The following DLGAP2 variants were observed in gnomAD, a reference collection of about 807,000 sequenced individuals.
The protein encoded by DLGAP2 is disks large-associated protein 2.
In DLGAP2, 26 loss-of-function variants were observed where a neutral mutation model predicts 100.3. The ratio of observed to expected loss-of-function variants is 0.26; its 90% CI spans 0.19 to 0.36. The LOEUF is 0.36. Among genes scored for constraint, DLGAP2 ranks in the 10% least tolerant of loss-of-function variants. DLGAP2 has a pLI of 1.00. For synonymous variants in DLGAP2, 886 were observed against 630.1 expected (o/e 1.41, Z -6.08); for missense variants, 1,858 against 1,453.2 (o/e 1.28, Z -4.53).
intron 4 of DLGAP2, among the ~76,000 whole-genome samples, chr8:1,531,033 C>T (rs1216354941): frequency 1.3e-5 from 2 of 152,172 alleles, no homozygotes; most frequent in East Asian, 3.8e-4. Flanking sequence ...TTTGAAAGTT[C>T]ATTCCAATGT....
At chr8:853,648 C>T (rs925430176) in intron 1 of DLGAP2, among the ~76,000 whole-genome samples, 6 of 152,230 alleles carry the variant, frequency 3.9e-5, no homozygotes, top group African/African-American at 1.4e-4. Context: ...AGCAGCCGTT[C>T]TAGGGAGCAG....
intron 3 of DLGAP2, among the ~76,000 whole-genome samples, chr8:1,288,817 C>T (rs1458576922): frequency 6.6e-6 from 1 of 151,042 alleles, no homozygotes; most frequent in Non-Finnish European, 1.5e-5. Context: ...AGTTTCGGTT[C>T]AGTGTGTGTG....
At chr8:855,549 G>T (rs964236752) in intron 1 of DLGAP2, among the ~76,000 whole-genome samples, 1 of 152,160 alleles carries the variant, frequency 6.6e-6, no homozygotes, top group Non-Finnish European at 1.5e-5. Flanking sequence ...AGACACATCA[G>T]GAGGAGTGAG....
intron 4 of DLGAP2, among the ~76,000 whole-genome samples, chr8:1,510,873 C>G (rs1300908095): frequency 6.6e-6 from 1 of 152,200 alleles, no homozygotes; most frequent in African/African-American, 2.4e-5. Context: ...GTCGGTGTTA[C>G]ATAATTAATA....
At chr8:1,306,338 A>C (rs967542684) in intron 3 of DLGAP2, among the ~76,000 whole-genome samples, 1 of 152,124 alleles carries the variant, frequency 6.6e-6, no homozygotes, top group Non-Finnish European at 1.5e-5. Context: ...TGCATTTATA[A>C]TCGTGTCAAA....
chr8:1,702,785 G>C lies in DLGAP2; in HGVS notation c.*1379G>C, dbSNP rs537326912. 1 of 152,388 alleles carries C rather than the reference G, an allele frequency of 6.6e-6. No homozygotes were observed. The allele number at this position is 152,388 out of a possible 1,614,324, so 9.4% of individuals were successfully genotyped here. On this transcript the variant is annotated 3_prime_UTR_variant, in exon 15 of 15. Transcript: ENST00000637795. ...AGACCGGTCTTCAAAGGAAAAGCCTGTCCGATTTTTCCATGGGTTCCAGTT... is the reference window on the plus strand; with the variant it reads ...AGACCGGTCTTCAAAGGAAAAGCCTCTCCGATTTTTCCATGGGTTCCAGTT...
At chr8:1,223,991 C>T (rs916547700) in intron 2 of DLGAP2, among the ~76,000 whole-genome samples, 6 of 152,172 alleles carry the variant, frequency 3.9e-5, no homozygotes, top group South Asian at 2.1e-4. Context: ...TTTGACTTCT[C>T]ATTGTTTCCC....
At chr8:998,145 A>T (rs1378211626) in intron 2 of DLGAP2, among the ~76,000 whole-genome samples, 1 of 152,190 alleles carries the variant, frequency 6.6e-6, no homozygotes. Context: ...ACATGTGCAT[A>T]CACAACACAC....
intron 3 of DLGAP2, among the ~76,000 whole-genome samples, chr8:1,347,522 T>G (rs1801593450): frequency 6.6e-6 from 1 of 152,130 alleles, no homozygotes; most frequent in Non-Finnish European, 1.5e-5. Flanking sequence ...AGAGCTACAT[T>G]GCACTCATGG....
chr8:1,358,289 T>C (rs185147157), intron 3 of DLGAP2, among the ~76,000 whole-genome samples: 3 of 152,274 alleles, frequency 2.0e-5, no homozygotes, highest in Admixed American at 6.5e-5. Flanking sequence ...TCTTAACGTC[T>C]TCATTTCCGA....
chr8:1,560,404 G>C (rs140927695), intron 5 of DLGAP2, among the ~76,000 whole-genome samples: 2 of 152,266 alleles, frequency 1.3e-5, no homozygotes, highest in East Asian at 1.9e-4. Flanking sequence ...TTCTGGAATA[G>C]TATTTTTGGT....
At chr8:1,060,023 C>T (rs1390264792) in intron 2 of DLGAP2, among the ~76,000 whole-genome samples, 1 of 152,118 alleles carries the variant, frequency 6.6e-6, no homozygotes, top group Non-Finnish European at 1.5e-5. Context: ...GCTGGGATGG[C>T]TGGGTGAACT....
chr8:858,915 A>G (rs1377977319), intron 1 of DLGAP2, among the ~76,000 whole-genome samples: 1 of 152,198 alleles, frequency 6.6e-6, no homozygotes, highest in African/African-American at 2.4e-5. Context: ...TCCTTACAGC[A>G]AATGTTTCAC....
chr8:772,839 C>T lies in DLGAP2; in HGVS notation c.18+35014C>T, dbSNP rs552837106. On this transcript the variant is annotated intron_variant, in intron 1 of 14. Coordinates refer to ENST00000637795, the MANE Select transcript of DLGAP2 (RefSeq NM_001346810.2). Reference sequence around the variant, plus strand: ...TCTGCAAATCACTTCTTCCGCTGAACGGTGTACATCAGAGGGTTTTGTGTG... The same window carrying T: ...TCTGCAAATCACTTCTTCCGCTGAATGGTGTACATCAGAGGGTTTTGTGTG... Among the ~76,000 whole-genome samples the T allele has an allele frequency of 7.9e-5, 12 of 152,260 alleles. 1 individual carries two copies. The South Asian group carries it at 1.5e-3, about 18-fold the overall frequency.
intron 1 of DLGAP2, among the ~76,000 whole-genome samples, chr8:844,954 T>G (rs1031971228): frequency 6.6e-6 from 1 of 152,246 alleles, no homozygotes; most frequent in Non-Finnish European, 1.5e-5. Context: ...GTGACTGACT[T>G]CTTTCACTTA....
chr8:1,051,863 T>C (rs1243379573), intron 2 of DLGAP2, among the ~76,000 whole-genome samples: 1 of 151,840 alleles, frequency 6.6e-6, no homozygotes, highest in Non-Finnish European at 1.5e-5. Context: ...CGACTGGGAG[T>C]CTGCTACGGG....
At chr8:1,261,925 G>A (rs958992492) in intron 3 of DLGAP2, among the ~76,000 whole-genome samples, 1 of 152,218 alleles carries the variant, frequency 6.6e-6, no homozygotes, top group Non-Finnish European at 1.5e-5. Context: ...GTGGCAGCGT[G>A]TGCGGCTCGG....
At chr8:968,498 G>T (rs992167334) in intron 2 of DLGAP2, among the ~76,000 whole-genome samples, 1 of 152,116 alleles carries the variant, frequency 6.6e-6, no homozygotes, top group African/African-American at 2.4e-5. Context: ...GCATTCACTC[G>T]TGCACTTCTA....
chr8:976,736 A>C (rs922602646), intron 2 of DLGAP2, among the ~76,000 whole-genome samples: 1 of 152,228 alleles, frequency 6.6e-6, no homozygotes, highest in African/African-American at 2.4e-5. Context: ...GGACATCTAC[A>C]TGCAAGAAAA....
Sources: allele counts gnomAD v4.1 joint callset (sites outside exome capture counted in the v4.1 genomes callset), GRCh38; gene constraint gnomAD v4.1.1; transcripts MANE v1.5; gene names NCBI Gene and HGNC (gene_info 2026-07-23, HGNC 2026-07-21).